The following OLFM2 variants were observed in gnomAD, a reference collection of about 807,000 sequenced individuals.
The protein encoded by OLFM2 is noelin-2.
Under a neutral mutation model 43.9 loss-of-function variants are expected in OLFM2, and 20 were observed. That is an observed-to-expected ratio of 0.46 (90% confidence interval 0.32 to 0.66). OLFM2 has a LOEUF of 0.66. OLFM2 is among the 30% of genes least tolerant of loss of function. OLFM2 has a pLI of 0.04. For synonymous variants in OLFM2, 268 were observed against 278.6 expected (o/e 0.96, Z 0.38); for missense variants, 416 against 643.6 (o/e 0.65, Z 3.83).
chr19:9,901,217 AAGG>A (rs1192761995), intron 1 of OLFM2, among the ~76,000 whole-genome samples: 1 of 146,606 alleles, frequency 6.8e-6, no homozygotes, highest in African/African-American at 2.5e-5. Flanking sequence ...GAAAGAAAGA[AAGG>A]AGAAAAAAAA....
At chr19:9,863,736 C>A (rs150332025) in intron 1 of OLFM2, among the ~76,000 whole-genome samples, 428 of 151,890 alleles carry the variant, frequency 2.8e-3, no homozygotes, top group African/African-American at 9.9e-3. Context: ...CCCACTCAAT[C>A]GAGTCTTTTT....
At chr19:9,905,565 C>CG (rs1568382187) in intron 1 of OLFM2, among the ~76,000 whole-genome samples, 1 of 149,358 alleles carries the variant, frequency 6.7e-6, no homozygotes, top group Non-Finnish European at 1.5e-5. Flanking sequence ...CACTGGAACC[C>CG]GGGAGGTGGA....
At chr19:9,893,701 G>A (rs913982310) in intron 1 of OLFM2, among the ~76,000 whole-genome samples, 2 of 152,160 alleles carry the variant, frequency 1.3e-5, no homozygotes, top group South Asian at 2.1e-4. Flanking sequence ...TTGGGTGAAC[G>A]TCTACTGCAA....
rs1049570807 is a variant in OLFM2, at chr19:9,857,654, C to A, written c.360+61G>T. ...CCCAGACATGACTCCATTGTAGGAA[C>A]TAATGGATACCAAATCCCAGTCATT... On this transcript the variant is annotated intron_variant, in intron 3 of 5. Transcript: ENST00000264833. This position sits in a 1 kb window ranked among gnomAD's most constrained non-coding sequence, Gnocchi z 5.7. 47 of 1,603,176 alleles carry A rather than the reference C, an allele frequency of 2.9e-5. No homozygotes were observed. The highest frequency in any genetic ancestry group is 4.0e-5 in the Non-Finnish European group (47 of 1,170,254).
intron 1 of OLFM2, among the ~76,000 whole-genome samples, chr19:9,901,221 A>AG (rs967191964): frequency 7.0e-6 from 1 of 142,516 alleles, no homozygotes; most frequent in African/African-American, 2.6e-5. Flanking sequence ...GAAAGAAAGG[A>AG]GAAAAAAAAA....
intron 1 of OLFM2, among the ~76,000 whole-genome samples, chr19:9,901,131 GGAAGGAAAGAAA>G (rs1349502371): frequency 3.5e-5 from 5 of 142,764 alleles, no homozygotes; most frequent in East Asian, 2.1e-4. Flanking sequence ...GAAAGAAAAA[GGAAGGAAAGAAA>G]GAAGGAAAGA....
intron 1 of OLFM2, among the ~76,000 whole-genome samples, chr19:9,924,518 C>G (rs2086440547): frequency 6.6e-6 from 1 of 152,104 alleles, no homozygotes; most frequent in African/African-American, 2.4e-5. Flanking sequence ...CTTGGCCACC[C>G]AAAGCACTGG....
chr19:9,865,218 G>A (rs558271489), intron 1 of OLFM2, among the ~76,000 whole-genome samples: 133 of 150,502 alleles, frequency 8.8e-4, no homozygotes, highest in African/African-American at 3.2e-3. Flanking sequence ...AGGCTGGTGT[G>A]CAGTGGTACT....
At chr19:9,893,910 GATA>G (rs1371995172) in intron 1 of OLFM2, among the ~76,000 whole-genome samples, 1 of 152,136 alleles carries the variant, frequency 6.6e-6, no homozygotes, top group Non-Finnish European at 1.5e-5. Flanking sequence ...TCACCTCATA[GATA>G]CTAGAGTTGA....
Position 9,857,858 on chromosome 19 carries a change from G to A in OLFM2, c.217C>T (p.Gln73Ter), listed in dbSNP as rs1397272111. ...RELRQLMEKV[Q>*]NVSQSMEVLE... ...ACCTCCATGGACTGGGAGACGTTCTGGACCTAGGAATGGGGACAACTGAAG... is the reference window on the plus strand; with the variant it reads ...ACCTCCATGGACTGGGAGACGTTCTAGACCTAGGAATGGGGACAACTGAAG... Residue 73 changes from glutamine (Q) to a stop codon, truncating the protein, a stop_gained, in exon 3 of 6, where the codon CAG (glutamine) becomes TAG (stop). Transcript: ENST00000264833. LOFTEE classifies it high-confidence loss of function. This position sits in a 1 kb window ranked among gnomAD's most constrained non-coding sequence, Gnocchi z 5.7. The A allele has an allele frequency of 6.2e-7, 1 of 1,613,996 alleles. No individual in the cohort carries two copies. The highest frequency in any genetic ancestry group is 8.5e-7 in the Non-Finnish European group (1 of 1,179,996).
rs756982027 is a variant in OLFM2, at chr19:9,854,271, C to T, written c.1280G>A (p.Arg427His). Residue 427 changes from arginine (R) to histidine (H), a missense_variant, in exon 6 of 6, where the codon CGC (arginine) becomes CAC (histidine). Transcript: ENST00000264833. The surrounding 1 kb of genome is among the most constrained non-coding windows in gnomAD (Gnocchi z 9.5). ...GCCGTTGTTCCAGGTATAGAGGGCG[C>T]GCTCCCGGGGGTTGTAATCCAGCAT... ...ISMLDYNPRERALYTWNNGHQ... is the reference protein window; with the variant it reads ...ISMLDYNPREHALYTWNNGHQ... The T allele has an allele frequency of 1.1e-5, 18 of 1,613,916 alleles. No individual in the cohort carries two copies. The highest frequency in any genetic ancestry group is 3.3e-5 in the South Asian group (3 of 91,068).
Position 9,877,535 on chromosome 19 carries a change from A to AAAATAAAT in OLFM2, c.64-16749_64-16742dup, listed in dbSNP as rs71188850. ...GCAACAAGAGAGAAACTCTGTCTCA[A>AAAATAAAT]AAATAAATAAATAAATAAATAAATA... On this transcript the variant is annotated intron_variant, in intron 1 of 5. Transcript: ENST00000264833. Among the ~76,000 whole-genome samples, 65 of 147,566 alleles carry AAAATAAAT rather than the reference A, an allele frequency of 4.4e-4. 1 individual carries two copies. In the East Asian group the frequency reaches 8.4e-3, roughly 19 times the overall value.
At chr19:9,869,301 G>A (rs1004238916) in intron 1 of OLFM2, among the ~76,000 whole-genome samples, 1 of 152,148 alleles carries the variant, frequency 6.6e-6, no homozygotes, top group Non-Finnish European at 1.5e-5. Flanking sequence ...ATATCCTTAC[G>A]ATAGAAGTGA....
At chr19:9,920,261 A>G (rs2086411642) in intron 1 of OLFM2, among the ~76,000 whole-genome samples, 1 of 152,124 alleles carries the variant, frequency 6.6e-6, no homozygotes, top group South Asian at 2.1e-4. Context: ...CCTGGGCAAC[A>G]GAGCAAGACC....
Position 9,854,852 on chromosome 19 carries a change from C to T in OLFM2, c.699G>A (p.Met233Ile). 6 of 1,592,778 alleles carry T rather than the reference C, an allele frequency of 3.8e-6. No homozygotes were observed. Among genetic ancestry groups the T allele is most frequent in the Non-Finnish European group, 5.1e-6 (6 of 1,167,808 alleles). The change falls in exon 6 of 6, where the codon ATG (methionine) becomes ATA (isoleucine). Residue 233 changes from methionine to isoleucine, a missense_variant. Coordinates refer to ENST00000264833, the MANE Select transcript of OLFM2 (RefSeq NM_058164.4). The surrounding 1 kb of genome is among the most constrained non-coding windows in gnomAD (Gnocchi z 9.5). ...CCCGGCGGCCTTTGTAATAGCCATC[C>T]ATGTACCAGACCTATGGTAGCAGCC... is the stretch of plus-strand genomic sequence containing the variant. ...APSADSRVWY[M>I]DGYYKGRRVL...
In OLFM2 at chr19:9,854,567, G is replaced by C. The variant is rs200166801; in HGVS notation, c.984C>G (p.Asp328Glu). 1 of 1,613,922 alleles carries C rather than the reference G, an allele frequency of 6.2e-7. No individual in the cohort carries two copies. Among genetic ancestry groups the C allele is most frequent in the Non-Finnish European group, 8.5e-7 (1 of 1,180,026 alleles). Residue 328 changes from aspartate to glutamate, a missense_variant, in exon 6 of 6, where the codon GAC becomes GAG. Physicochemically the swap from Asp to Glu is conservative, Grantham distance 45. Coordinates refer to ENST00000264833, the MANE Select transcript of OLFM2 (RefSeq NM_058164.4). The surrounding 1 kb of genome is among the most constrained non-coding windows in gnomAD (Gnocchi z 9.5). The stretch of plus-strand genomic sequence containing the variant: ...TGTACACAGCCCAGAGCCCGCTCTC[G>C]TCCACCATGAAGTCCATGTCGGAGA... ...GGFSDMDFMV[D>E]ESGLWAVYTT...
At chr19:9,875,896 C>G (rs1346910218) in intron 1 of OLFM2, among the ~76,000 whole-genome samples, 1 of 152,084 alleles carries the variant, frequency 6.6e-6, no homozygotes, top group African/African-American at 2.4e-5. Flanking sequence ...CAGAGCATGT[C>G]CCTTTTCTAA....
At chr19:9,867,002 A>G (rs1053143910) in intron 1 of OLFM2, among the ~76,000 whole-genome samples, 3 of 152,222 alleles carry the variant, frequency 2.0e-5, no homozygotes, top group Admixed American at 6.5e-5. Flanking sequence ...GGACACAGGC[A>G]GGGAAAGCTG....
At chr19:9,919,064 C>T (rs912675683) in intron 1 of OLFM2, among the ~76,000 whole-genome samples, 6 of 152,186 alleles carry the variant, frequency 3.9e-5, no homozygotes, top group Admixed American at 6.6e-5. Flanking sequence ...CCACCAGGCA[C>T]GGTGGCTCAC....
Sources: allele counts gnomAD v4.1 joint callset (sites outside exome capture counted in the v4.1 genomes callset), GRCh38; gene constraint gnomAD v4.1.1; non-coding constraint Gnocchi (gnomAD v3.1); transcripts MANE v1.5; gene names NCBI Gene and HGNC (gene_info 2026-07-23, HGNC 2026-07-21).